The following AK7 variants were observed in gnomAD, a reference collection of about 807,000 sequenced individuals.
AK7 encodes adenylate kinase 7.
In AK7, 78 loss-of-function variants were observed where a neutral mutation model predicts 96.6. The observed-to-expected ratio is 0.81, with a 90% CI of 0.67 to 0.97. The LOEUF is 0.97. Among genes scored for constraint, AK7 ranks in the 50% least tolerant of loss-of-function variants. The probability of loss-of-function intolerance (pLI) is 0.00; values close to 1 mark genes in which losing one functional copy is unlikely to be tolerated. For missense variants in AK7, 855 were observed against 887.9 expected (o/e 0.96, Z 0.47); for synonymous variants, 302 against 317.2 (o/e 0.95, Z 0.51).
chr14:96,420,759 G>A, intron 4 of AK7, 63 bp from the exon 5 acceptor site: 1 of 1,149,956 alleles, frequency 8.7e-7, no homozygotes, highest in Non-Finnish European at 1.3e-6. Flanking sequence ...CATATCTTTA[G>A]CCTTAGAAGT....
At chr14:96,403,995 A>G (rs919203600) in intron 2 of AK7, among the ~76,000 whole-genome samples, 6 of 151,882 alleles carry the variant, frequency 4.0e-5, no homozygotes, top group African/African-American at 1.5e-4. Context: ...AAAGAAAAAA[A>G]AAGCCAGGCA....
At chr14:96,447,100 C>G (rs4905494) in intron 8 of AK7, among the ~76,000 whole-genome samples, 13 of 152,130 alleles carry the variant, frequency 8.5e-5, no homozygotes, top group Non-Finnish European at 1.3e-4. Context: ...ACCAAAATAG[C>G]CTTTCTCTTT....
intron 4 of AK7, among the ~76,000 whole-genome samples, chr14:96,411,466 G>T (rs1411234225): frequency 6.6e-6 from 1 of 151,546 alleles, no homozygotes; most frequent in African/African-American, 2.4e-5. Flanking sequence ...AGCAGAGATC[G>T]CACCACTGTA....
intron 7 of AK7, among the ~76,000 whole-genome samples, chr14:96,444,334 A>G (rs1893115953): frequency 6.6e-6 from 1 of 152,230 alleles, no homozygotes; most frequent in African/African-American, 2.4e-5. Flanking sequence ...CATTATTAAT[A>G]TAACTTACTT....
At chr14:96,426,619 T>G (rs918185095) in intron 5 of AK7, among the ~76,000 whole-genome samples, 4 of 152,212 alleles carry the variant, frequency 2.6e-5, no homozygotes, top group Non-Finnish European at 5.9e-5. Context: ...ATCCTTCAGC[T>G]TTTGTTTGTC....
intron 4 of AK7, among the ~76,000 whole-genome samples, chr14:96,414,277 G>A (rs1273803411): frequency 1.3e-5 from 2 of 152,182 alleles, no homozygotes; most frequent in African/African-American, 4.8e-5. Context: ...TTATGCATGG[G>A]AAGCTTTATG....
At chr14:96,446,801 A>G (rs921556044) in intron 8 of AK7, among the ~76,000 whole-genome samples, 194 bp downstream of exon 8, 1 of 152,132 alleles carries the variant, frequency 6.6e-6, no homozygotes, top group Non-Finnish European at 1.5e-5. Context: ...TTAGCCGGGC[A>G]TAATGGCGGG....
intron 7 of AK7, among the ~76,000 whole-genome samples, chr14:96,444,561 C>G (rs1323034536): frequency 6.6e-6 from 1 of 152,112 alleles, no homozygotes; most frequent in Non-Finnish European, 1.5e-5. Context: ...TGTTACCTGA[C>G]CTTTCGAGAA....
chr14:96,422,241 A>G (rs539310433), intron 5 of AK7, among the ~76,000 whole-genome samples: 129 of 152,342 alleles, frequency 8.5e-4, no homozygotes, highest in African/African-American at 2.9e-3. Flanking sequence ...AATTTACAAT[A>G]TAGTGTGTGC....
At chr14:96,430,536 TC>T (rs1255951408) in intron 5 of AK7, among the ~76,000 whole-genome samples, 2 of 152,174 alleles carry the variant, frequency 1.3e-5, no homozygotes, top group African/African-American at 4.8e-5. Flanking sequence ...ATTGAGATAA[TC>T]ATGTGGTTTT....
chr14:96,481,156 T>G (rs1236572145), intron 15 of AK7, among the ~76,000 whole-genome samples: 5 of 152,130 alleles, frequency 3.3e-5, no homozygotes, highest in Non-Finnish European at 5.9e-5. Flanking sequence ...AGGGCAACTC[T>G]GCTGGTCACA....
chr14:96,451,392 C>T, intron 9 of AK7, 29 bp from the exon 10 acceptor site: 1 of 1,508,554 alleles, frequency 6.6e-7, no homozygotes, highest in Non-Finnish European at 8.9e-7. Context: ...CAAAAAAAGA[C>T]AAATCTCTAA....
intron 3 of AK7, 147 bp from the exon 4 acceptor site, chr14:96,408,700 G>C (rs1890865705): frequency 1.5e-6 from 1 of 657,424 alleles, no homozygotes; most frequent in Non-Finnish European, 2.6e-6. Flanking sequence ...GGAATTTGAA[G>C]AACGGTGATG....
intron 14 of AK7, among the ~76,000 whole-genome samples, chr14:96,475,720 C>T (rs1396271175): frequency 6.6e-6 from 1 of 152,166 alleles, no homozygotes; most frequent in Admixed American, 6.5e-5. Context: ...GCCTGCAATT[C>T]CAGCACTTGG....
chr14:96,393,392 C>T (rs912409986), intron 1 of AK7, among the ~76,000 whole-genome samples: 1 of 152,236 alleles, frequency 6.6e-6, no homozygotes, highest in African/African-American at 2.4e-5. Context: ...CCAATTGCCA[C>T]AAACTGGATG....
chr14:96,416,150 G>A (rs1006901604), intron 4 of AK7, among the ~76,000 whole-genome samples: 2 of 152,242 alleles, frequency 1.3e-5, no homozygotes, highest in African/African-American at 2.4e-5. Flanking sequence ...TTGGGAAGCC[G>A]AGGCAGGTGG....
chr14:96,471,058 C>G (rs776853676), intron 12 of AK7, among the ~76,000 whole-genome samples: 1 of 152,036 alleles, frequency 6.6e-6, no homozygotes, highest in East Asian at 1.9e-4. Context: ...ATATTTTTTA[C>G]TTTAAGGGCC....
At chr14:96,479,427 T>C (rs1171280839) in intron 15 of AK7, among the ~76,000 whole-genome samples, 8 of 151,394 alleles carry the variant, frequency 5.3e-5, no homozygotes, top group African/African-American at 1.7e-4. Flanking sequence ...TGGTGCTGGC[T>C]GCTTGGGCCA....
rs538888800 is a variant in AK7, at chr14:96,456,055, A to G, written c.1099-292A>G. 2.0e-5 allele frequency among the ~76,000 whole-genome samples: 3 copies of G among 152,164 alleles called. 1 individual carries two copies. Among genetic ancestry groups the G allele is most frequent in the Non-Finnish European group, 2.9e-5 (2 of 68,000 alleles). ...GGAGTTTGAGACCAGCCTGGCCAACATGGAGAAAACCCGTCTCTACAAAAA... is the reference window on the plus strand; with the variant it reads ...GGAGTTTGAGACCAGCCTGGCCAACGTGGAGAAAACCCGTCTCTACAAAAA... On this transcript the variant is annotated intron_variant, in intron 10 of 17. Transcript: ENST00000267584.
Sources: gnomAD v4.1 joint callset for allele counts (sites outside exome capture counted in the v4.1 genomes callset) on GRCh38, gnomAD v4.1.1 for gene constraint, MANE v1.5 for transcripts, NCBI Gene and HGNC (gene_info 2026-07-23, HGNC 2026-07-21) for gene names.